The following REV1 variants were observed in gnomAD, a reference collection of about 807,000 sequenced individuals.
REV1 encodes translesion synthesis protein REV1.
A neutral mutation model predicts 137.4 loss-of-function variants in REV1; 42 were observed. That is an observed-to-expected ratio of 0.31 (90% CI 0.24 to 0.40). The LOEUF (loss-of-function observed/expected upper bound fraction) is 0.40, where lower values mean the gene tolerates loss of function less well. REV1 is among the 10% of genes least tolerant of loss of function. The pLI is 1.00. For synonymous variants in REV1, 524 were observed against 519.2 expected, an observed-to-expected ratio of 1.01 and a Z score of -0.12; for missense variants, 1,282 against 1,490.1, an observed-to-expected ratio of 0.86 and a Z score of 2.30.
rs529118487 is a variant in REV1 at position 99,442,388 on chromosome 2, A to G, written c.432T>C (p.Phe144=). The change falls in exon 5 of 23, where the codon TTT becomes TTC. Residue 144 remains phenylalanine (F), a synonymous_variant. Coordinates refer to ENST00000258428, the MANE Select transcript of REV1 (RefSeq NM_016316.4). ...KQSSVQKGLS[F]NPVCRPEDPL... The stretch of plus-strand genomic sequence containing the variant: ...GATCCTCAGGTCTGCATACAGGATT[A>G]AAGCTGAGACCTTTCTGCACACTGG... 3 of 1,613,838 alleles carry G rather than the reference A, an allele frequency of 1.9e-6. No homozygotes were observed. Among genetic ancestry groups the G allele is most frequent in the Admixed American group, 1.7e-5 (1 of 59,996 alleles).
At chr2:99,444,709 A>T (rs986370836) in intron 4 of REV1, among the ~76,000 whole-genome samples, 4 of 152,180 alleles carry the variant, frequency 2.6e-5, no homozygotes, top group African/African-American at 9.7e-5. Context: ...ACTATCTATC[A>T]GTTGTATACT....
intron 3 of REV1, among the ~76,000 whole-genome samples, chr2:99,456,449 G>A (rs1683546714): frequency 6.6e-6 from 1 of 152,154 alleles, no homozygotes; most frequent in Non-Finnish European, 1.5e-5. Context: ...AAGTACACCT[G>A]TTTTAGATAG....
intron 14 of REV1, 154 bp from the exon 15 acceptor site, chr2:99,408,285 G>A (rs768844587): frequency 5.2e-5 from 21 of 405,160 alleles, no homozygotes; most frequent in Non-Finnish European, 7.8e-5. Context: ...CTTCAAGGAA[G>A]CCAGAAATAC....
In REV1 at chr2:99,407,922, T is replaced by C. The variant is rs1020469855; in HGVS notation, c.2448+107A>G. On this transcript the variant is annotated intron_variant, in intron 15 of 22. Transcript: ENST00000258428. ...TTGTATTACAAAGCAGCTAAAGACC[T>C]ACATATAAAGTCCCTATACACCAGC... is the stretch of plus-strand genomic sequence containing the variant. 3 of 540,482 alleles carry C rather than the reference T, an allele frequency of 5.6e-6. No homozygotes were observed. The African/African-American group carries it at 5.8e-5, about 10-fold the overall frequency. The allele number at this position is 540,482 out of a possible 1,614,324, so 33.5% of individuals were successfully genotyped here.
At chr2:99,440,572 T>C (rs909213850) in intron 5 of REV1, among the ~76,000 whole-genome samples, 1 of 152,152 alleles carries the variant, frequency 6.6e-6, no homozygotes, top group Non-Finnish European at 1.5e-5. Flanking sequence ...CAGATGATCA[T>C]GCCAGTGATG....
intron 1 of REV1, among the ~76,000 whole-genome samples, chr2:99,486,444 G>C (rs1687142153): frequency 1.3e-5 from 2 of 152,140 alleles, no homozygotes; most frequent in South Asian, 2.1e-4. Flanking sequence ...CAGGAGAATG[G>C]CGTGAACCCA....
At chr2:99,425,962 G>C (rs1371318284) in intron 9 of REV1, among the ~76,000 whole-genome samples, 2 of 152,072 alleles carry the variant, frequency 1.3e-5, no homozygotes, top group South Asian at 4.2e-4. Context: ...CTTGAACCTG[G>C]AGGGTGGAGG....
In REV1 at chr2:99,445,579, T is replaced by C. The variant is rs958527736; in HGVS notation, c.351-3110A>G. 4.6e-5 allele frequency among the ~76,000 whole-genome samples: 7 copies of C among 152,338 alleles called. No homozygotes were observed. In the South Asian group the frequency reaches 1.4e-3, roughly 32 times the overall value. Reference sequence around the variant, plus strand: ...ACACTCCTCAGGTTTGGTGGGCCAGTGGGGTACGTCATAGCAGCTTCTCAT... The same window carrying C: ...ACACTCCTCAGGTTTGGTGGGCCAGCGGGGTACGTCATAGCAGCTTCTCAT... On this transcript the variant is annotated intron_variant, in intron 4 of 22. Coordinates refer to ENST00000258428, the MANE Select transcript of REV1 (RefSeq NM_016316.4).
chr2:99,454,550 C>CAAAAAAAAAAAAAAA (rs373850478), intron 3 of REV1, among the ~76,000 whole-genome samples: 13 of 82,366 alleles, frequency 1.6e-4, no homozygotes, highest in African/African-American at 5.9e-4. Context: ...AACTCCAGCT[C>CAAAAAAAAAAAAAAA]AAAAAAAAAA....
chr2:99,464,752 G>A, intron 2 of REV1, among the ~76,000 whole-genome samples, 170 bp downstream of exon 2: 1 of 152,134 alleles, frequency 6.6e-6, no homozygotes, highest in East Asian at 1.9e-4. Context: ...GTAAAGTTTA[G>A]GGGATAAAGT....
chr2:99,444,702 A>G (rs1179180121), intron 4 of REV1, among the ~76,000 whole-genome samples: 1 of 152,206 alleles, frequency 6.6e-6, no homozygotes, highest in African/African-American at 2.4e-5. Context: ...CTAAACCACT[A>G]TCTATCAGTT....
At chr2:99,455,372 T>C (rs1050113818) in intron 3 of REV1, among the ~76,000 whole-genome samples, 5 of 152,208 alleles carry the variant, frequency 3.3e-5, no homozygotes, top group African/African-American at 7.2e-5. Flanking sequence ...GCAGCAGCAA[T>C]ACTACTCTCT....
At chr2:99,414,810 A>C (rs1379430983) in intron 12 of REV1, among the ~76,000 whole-genome samples, 6 of 152,204 alleles carry the variant, frequency 3.9e-5, no homozygotes. Context: ...GGGACTTCCA[A>C]GATTAGCAAG....
intron 14 of REV1, among the ~76,000 whole-genome samples, chr2:99,409,867 C>CCCCA (rs1491343028): frequency 7.3e-5 from 8 of 109,552 alleles, no homozygotes; most frequent in South Asian, 3.3e-4. Flanking sequence ...CCCCCCCCCC[C>CCCCA]AAAAAAAACA....
intron 1 of REV1, among the ~76,000 whole-genome samples, chr2:99,466,733 C>T (rs1426688305): frequency 5.3e-5 from 8 of 152,140 alleles, no homozygotes; most frequent in African/African-American, 1.9e-4. Context: ...GGGGCATGTG[C>T]AAGGTGCTCC....
intron 4 of REV1, among the ~76,000 whole-genome samples, chr2:99,448,667 A>G (rs1559367392): frequency 6.6e-6 from 1 of 152,188 alleles, no homozygotes; most frequent in African/African-American, 2.4e-5. Context: ...TTCTCTCCCA[A>G]CAGAATATAA....
chr2:99,475,544 T>C (rs1328815919), intron 1 of REV1, among the ~76,000 whole-genome samples: 1 of 152,192 alleles, frequency 6.6e-6, no homozygotes, highest in Admixed American at 6.5e-5. Flanking sequence ...CTTTTACTTT[T>C]TACAGACCTG....
At chr2:99,414,656 T>C (rs1677613571) in intron 12 of REV1, among the ~76,000 whole-genome samples, 1 of 152,238 alleles carries the variant, frequency 6.6e-6, no homozygotes, top group Non-Finnish European at 1.5e-5. Flanking sequence ...CTCTTTTTGT[T>C]ATTTCTTTTT....
At chr2:99,444,024 G>A (rs950112268) in intron 4 of REV1, among the ~76,000 whole-genome samples, 3 of 152,032 alleles carry the variant, frequency 2.0e-5, no homozygotes, top group Non-Finnish European at 4.4e-5. Context: ...GTTTCACCGT[G>A]TTAGCCAGGA....
Sources: gnomAD v4.1 joint callset for allele counts (sites outside exome capture counted in the v4.1 genomes callset) on GRCh38, gnomAD v4.1.1 for gene constraint, MANE v1.5 for transcripts, NCBI Gene and HGNC (gene_info 2026-07-23, HGNC 2026-07-21) for gene names.